The following MTFR1 variants were observed in gnomAD, a reference collection of about 807,000 sequenced individuals.
MTFR1 encodes the protein mitochondrial fission regulator 1.
In MTFR1, 28 loss-of-function variants were observed where a neutral mutation model predicts 38.8. That is an observed-to-expected ratio of 0.72 (90% confidence interval 0.53 to 0.99). MTFR1 has a LOEUF of 0.99. Among genes scored for constraint, MTFR1 ranks in the 50% least tolerant of loss-of-function variants. The pLI, the probability that MTFR1 is intolerant of heterozygous loss-of-function variation, is 0.00. For missense variants in MTFR1, 358 were observed against 395.5 expected (o/e 0.91, Z 0.81); for synonymous variants, 145 against 137.0 (o/e 1.06, Z -0.41).
chr8:65,773,408 T>A (rs1809167903), downstream of MTFR1, among the ~76,000 whole-genome samples: 1 of 152,248 alleles, frequency 6.6e-6, no homozygotes, highest in South Asian at 2.1e-4. Context: ...TCACCTTTTA[T>A]GAACAGCATG....
rs369125986 is a variant in MTFR1, at chr8:65,704,797, C to A, written c.385C>A (p.Gln129Lys). Residue 129 changes from glutamine (Q) to lysine (K), a missense_variant, in exon 5 of 8, where the codon CAG becomes AAG. Coordinates refer to ENST00000262146, the MANE Select transcript of MTFR1 (RefSeq NM_014637.4). ...SLPDLSQEEP[Q>K]LKTPALANEE... is the part of the protein sequence containing the mutation. Reference sequence around the variant, plus strand: ...ACCAGACTTGTCTCAAGAAGAGCCTCAGCTGAAGACCCCAGCGCTGGCAAA... The same window carrying A: ...ACCAGACTTGTCTCAAGAAGAGCCTAAGCTGAAGACCCCAGCGCTGGCAAA... 49 of 1,614,118 alleles carry A rather than the reference C, an allele frequency of 3.0e-5. No individual in the cohort carries two copies. Among genetic ancestry groups the A allele is most frequent in the Non-Finnish European group, 3.4e-5 (40 of 1,180,018 alleles).
At chr8:65,724,314 C>T (rs763941544) in intron 3 of MTFR1, 3 of 1,612,582 alleles carry the variant, frequency 1.9e-6, no homozygotes, top group Non-Finnish European at 2.5e-6. Context: ...TTCCCACGTC[C>T]GACATGGGTT....
At position 65,693,654 on chromosome 8, in the gene MTFR1, A is replaced by C. The variant is rs770799602; in HGVS notation, c.176A>C (p.His59Pro). Reference protein sequence around the residue: ...CPRVQFQINSHATEWSPSHPG... With the variant: ...CPRVQFQINSPATEWSPSHPG... ...ATTTATAACTTACAGATTAACAGCCATGCAACAGAATGGAGTCCCAGCCAC... is the reference window on the plus strand; with the variant it reads ...ATTTATAACTTACAGATTAACAGCCCTGCAACAGAATGGAGTCCCAGCCAC... Residue 59 changes from histidine (H) to proline (P), a missense_variant, in exon 4 of 8, where the codon CAT becomes CCT. Coordinates refer to ENST00000262146, the MANE Select transcript of MTFR1 (RefSeq NM_014637.4). The C allele has an allele frequency of 6.2e-7, 1 of 1,613,922 alleles. No individual in the cohort carries two copies. The highest frequency in any genetic ancestry group is 1.7e-5 in the Admixed American group (1 of 60,014).
chr8:65,734,346 T>G (rs886102268), intron 3 of MTFR1, among the ~76,000 whole-genome samples: 3 of 152,194 alleles, frequency 2.0e-5, no homozygotes, highest in African/African-American at 7.2e-5. Flanking sequence ...GCCACTCTGC[T>G]CTCTTCCATG....
intron 7 of MTFR1, among the ~76,000 whole-genome samples, chr8:65,708,653 A>G (rs1805855060): frequency 6.6e-6 from 1 of 152,160 alleles, no homozygotes; most frequent in Non-Finnish European, 1.5e-5. Context: ...CACCTTTGAA[A>G]CTTCTTAAGA....
At chr8:65,764,353 C>G (rs1408824021) in intron 3 of MTFR1, among the ~76,000 whole-genome samples, 1 of 152,164 alleles carries the variant, frequency 6.6e-6, no homozygotes, top group Non-Finnish European at 1.5e-5. Flanking sequence ...AATACCATAA[C>G]TACAAGCACA....
intron 3 of MTFR1, among the ~76,000 whole-genome samples, chr8:65,754,658 G>GT (rs1183917176): frequency 4.7e-5 from 7 of 147,972 alleles, no homozygotes; most frequent in Admixed American, 2.7e-4. Flanking sequence ...TATATGCCTT[G>GT]TTTTTTGTTC....
intron 3 of MTFR1, among the ~76,000 whole-genome samples, chr8:65,736,556 C>T (rs1314679204): frequency 6.6e-6 from 1 of 151,896 alleles, no homozygotes; most frequent in Admixed American, 6.6e-5. Flanking sequence ...AGTTTGAGAC[C>T]AGCCTAGGCC....
chr8:65,695,943 C>G (rs940894007), intron 4 of MTFR1, among the ~76,000 whole-genome samples: 2 of 152,176 alleles, frequency 1.3e-5, no homozygotes, highest in African/African-American at 2.4e-5. Context: ...CCTCCTCCCC[C>G]ATCACCCTCC....
intron 1 of MTFR1, among the ~76,000 whole-genome samples, chr8:65,651,822 T>C (rs1809130990): frequency 6.6e-6 from 1 of 152,238 alleles, no homozygotes; most frequent in East Asian, 1.9e-4. Context: ...CTGTGAAGAA[T>C]GTCATTGATA....
At chr8:65,701,411 C>T (rs1205693500) in intron 4 of MTFR1, among the ~76,000 whole-genome samples, 2 of 152,120 alleles carry the variant, frequency 1.3e-5, no homozygotes, top group East Asian at 1.9e-4. Context: ...TTGATTGGTT[C>T]CAAAGTAGAA....
At chr8:65,755,486 C>T (rs778731778) in intron 3 of MTFR1, among the ~76,000 whole-genome samples, 2 of 152,018 alleles carry the variant, frequency 1.3e-5, no homozygotes, top group Non-Finnish European at 2.9e-5. Context: ...TGAATAATAC[C>T]AATTTAATTT....
At chr8:65,723,740 G>A (rs1696120846) in intron 3 of MTFR1, 2 of 620,690 alleles carry the variant, frequency 3.2e-6, no homozygotes, top group Admixed American at 7.9e-5. Flanking sequence ...CCTCATGAGA[G>A]GACAGCTTCG....
At chr8:65,775,507 C>T (rs1809234231), downstream of MTFR1, among the ~76,000 whole-genome samples, 1 of 152,204 alleles carries the variant, frequency 6.6e-6, no homozygotes, top group Admixed American at 6.5e-5. Flanking sequence ...ACCTCTTTGA[C>T]CCAAGAAGTA....
intron 1 of MTFR1, among the ~76,000 whole-genome samples, chr8:65,645,071 C>G (rs567371684): frequency 2.6e-5 from 4 of 152,312 alleles, no homozygotes; most frequent in African/African-American, 9.6e-5. Context: ...CGCCAATCTA[C>G]CCCTACACCT....
chr8:65,698,004 G>C (rs1483129084), intron 4 of MTFR1, among the ~76,000 whole-genome samples: 1 of 151,904 alleles, frequency 6.6e-6, no homozygotes, highest in Non-Finnish European at 1.5e-5. Flanking sequence ...TTTTCGTTTT[G>C]ATGAAGTCTA....
At chr8:65,724,976 T>C (rs1040104637) in intron 3 of MTFR1, 5 of 1,202,266 alleles carry the variant, frequency 4.2e-6, no homozygotes, top group Non-Finnish European at 5.8e-6. Flanking sequence ...AACTATTTAT[T>C]GATTTTTTTT....
At chr8:65,673,762 C>CATGA (rs1448826191) in intron 2 of MTFR1, among the ~76,000 whole-genome samples, 4 of 151,964 alleles carry the variant, frequency 2.6e-5, no homozygotes, top group Non-Finnish European at 5.9e-5. Context: ...ATCAACCAGG[C>CATGA]ATGATGGTGG....
chr8:65,736,637 G>C (rs1353114189), intron 3 of MTFR1, among the ~76,000 whole-genome samples: 1 of 151,846 alleles, frequency 6.6e-6, no homozygotes, highest in Non-Finnish European at 1.5e-5. Flanking sequence ...TATATTCCTA[G>C]CTACTCGGGA....
Sources: gnomAD v4.1 joint callset for allele counts (sites outside exome capture counted in the v4.1 genomes callset) on GRCh38, gnomAD v4.1.1 for gene constraint, MANE v1.5 for transcripts, NCBI Gene and HGNC (gene_info 2026-07-23, HGNC 2026-07-21) for gene names.